COPS8: variants seen among roughly 807,000 people sequenced by gnomAD.
COPS8 encodes COP9 signalosome complex subunit 8.
Under a neutral mutation model 31.5 loss-of-function variants are expected in COPS8, and 11 were observed. The observed-to-expected ratio is 0.35, with a 90% CI of 0.22 to 0.58. The LOEUF (loss-of-function observed/expected upper bound fraction) is 0.58. COPS8 is among the 20% of genes least tolerant of loss of function. The probability of loss-of-function intolerance (pLI) is 0.83; values close to 1 mark genes in which losing one functional copy is unlikely to be tolerated. For synonymous variants in COPS8, 81 were observed against 89.3 expected (o/e 0.91, Z 0.52); for missense variants, 215 against 255.1 (o/e 0.84, Z 1.07).
chr2:237,086,118 C>A, intron 1 of COPS8, 76 bp downstream of exon 1: 1 of 1,378,206 alleles, frequency 7.3e-7, no homozygotes, highest in Non-Finnish European at 1.0e-6. Flanking sequence ...TCCAGGGTAA[C>A]GGGGTCTGAG....
intron 7 of COPS8, among the ~76,000 whole-genome samples, chr2:237,097,170 G>A (rs1006520388): frequency 6.6e-6 from 1 of 150,592 alleles, no homozygotes; most frequent in African/African-American, 2.4e-5. Context: ...CCAGGCTGAC[G>A]TGTAGTAATT....
intron 6 of COPS8, among the ~76,000 whole-genome samples, chr2:237,096,270 G>A (rs1696799368): frequency 6.6e-6 from 1 of 151,940 alleles, no homozygotes; most frequent in East Asian, 1.9e-4. Context: ...AGTCATACAG[G>A]CACTTTTCCT....
intron 4 of COPS8, among the ~76,000 whole-genome samples, chr2:237,092,952 C>T (rs1380696311): frequency 6.6e-6 from 1 of 152,164 alleles, no homozygotes; most frequent in Admixed American, 6.5e-5. Context: ...ATACCCCTTC[C>T]TGTCGAGAAG....
At chr2:237,093,152 A>C (rs1696736916) in intron 4 of COPS8, among the ~76,000 whole-genome samples, 1 of 152,176 alleles carries the variant, frequency 6.6e-6, no homozygotes, top group Non-Finnish European at 1.5e-5. Flanking sequence ...GGATAGCATA[A>C]ACCAAAAGCC....
chr2:237,086,112 G>T, intron 1 of COPS8, 70 bp downstream of exon 1: 6 of 1,399,362 alleles, frequency 4.3e-6, no homozygotes, highest in Non-Finnish European at 5.0e-6. Context: ...CCAGTTTCCA[G>T]GGTAACGGGG....
intron 1 of COPS8, 47 bp downstream of exon 1, chr2:237,086,089 C>G (rs779863574): frequency 6.5e-7 from 1 of 1,538,450 alleles, no homozygotes; most frequent in Non-Finnish European, 8.9e-7. Flanking sequence ...TAGTCTTAGG[C>G]CCTGGGGCGG....
chr2:237,087,166 CT>C lies in COPS8; in HGVS notation c.120del (p.Leu41Ter). The C allele has an allele frequency of 6.2e-7, 1 of 1,609,074 alleles. No homozygotes were observed. Among genetic ancestry groups the C allele is most frequent in the Non-Finnish European group, 8.5e-7 (1 of 1,178,226 alleles). ...GIATPPVYGQ[L>X]LALYLLHNDM... is the part of the protein sequence containing the mutation. Reference sequence around the variant, plus strand: ...TGCTACACCCCCAGTGTATGGTCAGCTTCTAGCTTTATATTTGCTCCATAAT... The same window carrying C: ...TGCTACACCCCCAGTGTATGGTCAGCTCTAGCTTTATATTTGCTCCATAAT... On this transcript the variant is annotated frameshift_variant, in exon 2 of 8. Coordinates refer to ENST00000354371, the MANE Select transcript of COPS8 (RefSeq NM_006710.5). LOFTEE classifies it high-confidence loss of function.
At position 237,087,211 on chromosome 2, in the gene COPS8, A is replaced by T. The variant is rs762249547; in HGVS notation, c.149+14A>T. 7.6e-6 allele frequency: 12 copies of T among 1,581,766 alleles called. No homozygotes were observed. Among genetic ancestry groups the T allele is most frequent in the Non-Finnish European group, 1.0e-5 (12 of 1,161,514 alleles). On this transcript the variant is annotated intron_variant, in intron 2 of 7. Coordinates refer to ENST00000354371, the MANE Select transcript of COPS8 (RefSeq NM_006710.5). Reference sequence around the variant, plus strand: ...CCATAATGACATGTAAGTATGTTTAACCTAAAGCTAAGAGCAACAGGTTTC... The same window carrying T: ...CCATAATGACATGTAAGTATGTTTATCCTAAAGCTAAGAGCAACAGGTTTC...
chr2:237,096,867 C>T lies in COPS8; in HGVS notation c.548C>T (p.Ser183Leu). Residue 183 changes from serine to leucine, a missense_variant and splice_region_variant, in exon 7 of 8, where the codon TCA (serine) becomes TTA (leucine). By Grantham distance (145) the Ser-to-Leu change is moderately radical. Coordinates refer to ENST00000354371, the MANE Select transcript of COPS8 (RefSeq NM_006710.5). ...TCCTTTAACAAGTTTATTCCCTTATCAGGTATGTATTTTCATATGCACATT... is the reference window on the plus strand; with the variant it reads ...TCCTTTAACAAGTTTATTCCCTTATTAGGTATGTATTTTCATATGCACATT... The part of the protein sequence containing the change: ...DVSFNKFIPL[S>L]EPAPVPPIPN... 2 of 1,605,784 alleles carry T rather than the reference C, an allele frequency of 1.2e-6. No individual in the cohort carries two copies. The highest frequency in any genetic ancestry group is 1.7e-6 in the Non-Finnish European group (2 of 1,174,580).
chr2:237,095,444 A>G (rs2106346966), intron 5 of COPS8, among the ~76,000 whole-genome samples: 1 of 152,292 alleles, frequency 6.6e-6, no homozygotes, highest in South Asian at 2.1e-4. Flanking sequence ...CCTTCCATAT[A>G]TGGAAGCTGT....
chr2:237,092,194 C>T (rs536673985), intron 4 of COPS8, among the ~76,000 whole-genome samples: 2 of 152,182 alleles, frequency 1.3e-5, no homozygotes, highest in Non-Finnish European at 2.9e-5. Context: ...CACCTTCCAG[C>T]GTGTCATTCT....
intron 2 of COPS8, among the ~76,000 whole-genome samples, chr2:237,088,002 C>A (rs1696649926): frequency 6.7e-6 from 1 of 149,390 alleles, no homozygotes; most frequent in African/African-American, 2.5e-5. Flanking sequence ...ACTGATGATT[C>A]CTGATAACAT....
In COPS8 at chr2:237,096,803, AT is replaced by A. The variant is rs372813434; in HGVS notation, c.503-9del. 8,938 of 1,375,750 alleles carry A rather than the reference AT, an allele frequency of 6.5e-3. 8 individuals are homozygous for A. Among genetic ancestry groups the A allele is most frequent in the African/African-American group, 0.02 (1,358 of 68,556 alleles). The allele number at this position is 1,375,750 out of a possible 1,614,324, so 85.2% of individuals were successfully genotyped here. On this transcript the variant is annotated intron_variant, in intron 6 of 7. Coordinates refer to ENST00000354371, the MANE Select transcript of COPS8 (RefSeq NM_006710.5). ...ATGACTTCTGTAAATTGAGCTGTAC[AT>A]TTTTTTTTTGAATTTAGTTGCAGGG...
intron 4 of COPS8, among the ~76,000 whole-genome samples, chr2:237,091,489 T>C (rs1000729023): frequency 6.6e-6 from 1 of 152,234 alleles, no homozygotes; most frequent in Non-Finnish European, 1.5e-5. Flanking sequence ...TGAATGGTAC[T>C]GTGGTTTCCT....
intron 6 of COPS8, among the ~76,000 whole-genome samples, chr2:237,096,097 G>A (rs1696795650): frequency 2.6e-5 from 4 of 152,074 alleles, no homozygotes; most frequent in Admixed American, 2.6e-4. Context: ...ATGATTTTAC[G>A]TAGGTTTTTC....
chr2:237,093,451 C>T (rs1696742059), intron 4 of COPS8, among the ~76,000 whole-genome samples: 1 of 152,220 alleles, frequency 6.6e-6, no homozygotes, highest in Non-Finnish European at 1.5e-5. Context: ...CTCTACCGTA[C>T]TCCTGAGTTT....
Position 237,094,136 on chromosome 2 carries a change from T to C in COPS8, c.378T>C (p.Thr126=), listed in dbSNP as rs147957647. The C allele has an allele frequency of 5.4e-5, 87 of 1,614,008 alleles. 1 individual carries two copies. The highest frequency in any genetic ancestry group is 1.6e-5 in the Non-Finnish European group (19 of 1,179,984). The change falls in exon 5 of 8, where the codon ACT becomes ACC. Residue 126 remains threonine (T), a synonymous_variant. Transcript: ENST00000354371. ...TTGCCCTGGTCTCTCAAGCGTATAC[T>C]TCAATCATCGCCGATGATTTTGCAG... ...RAFALVSQAY[T]SIIADDFAAF...
intron 2 of COPS8, among the ~76,000 whole-genome samples, chr2:237,088,111 A>G (rs1469352065): frequency 6.6e-6 from 1 of 152,148 alleles, no homozygotes; most frequent in Non-Finnish European, 1.5e-5. Context: ...TTTGTTTTGT[A>G]AAACTGTCAT....
At chr2:237,089,516 C>T (rs1574836368) in intron 3 of COPS8, among the ~76,000 whole-genome samples, 1 of 152,144 alleles carries the variant, frequency 6.6e-6, no homozygotes, top group African/African-American at 2.4e-5. Context: ...CATAATATAT[C>T]TATGAAATAC....
Sources: gnomAD v4.1 joint callset for allele counts (sites outside exome capture counted in the v4.1 genomes callset) on GRCh38, gnomAD v4.1.1 for gene constraint, MANE v1.5 for transcripts, NCBI Gene and HGNC (gene_info 2026-07-23, HGNC 2026-07-21) for gene names.